DAB1: variants seen among roughly 807,000 people sequenced by gnomAD.
DAB1 encodes DAB adaptor protein 1, also known as disabled homolog 1.
In DAB1, 15 loss-of-function variants were observed where a neutral mutation model predicts 64.6. The observed-to-expected ratio is 0.23, with a 90% CI of 0.16 to 0.36. The LOEUF is 0.36. DAB1 is among the 10% of genes least tolerant of loss of function. The pLI, the probability that DAB1 is intolerant of heterozygous loss-of-function variation, is 1.00. For missense variants in DAB1, 596 were observed against 706.7 expected (o/e 0.84, Z 1.78); for synonymous variants, 235 against 251.9 (o/e 0.93, Z 0.64).
chr1:58,418,316 T>C (rs1344077619), intron 3 of DAB1, among the ~76,000 whole-genome samples: 2 of 152,170 alleles, frequency 1.3e-5, no homozygotes, highest in Admixed American at 1.3e-4. Flanking sequence ...CTTGTTAAAA[T>C]AGGAGAAAAA....
intron 5 of DAB1, among the ~76,000 whole-genome samples, chr1:58,113,591 T>G (rs1570367505): frequency 6.6e-6 from 1 of 152,226 alleles, no homozygotes; most frequent in East Asian, 1.9e-4. Flanking sequence ...CTGGAATCCC[T>G]GGAGGGTTTT....
At chr1:57,485,193 A>G (rs1644074966) in intron 7 of DAB1, among the ~76,000 whole-genome samples, 1 of 84,964 alleles carries the variant, frequency 1.2e-5, no homozygotes, top group Admixed American at 9.7e-5. Context: ...CCAGAGAATG[A>G]AGTTCATGTC....
intron 7 of DAB1, among the ~76,000 whole-genome samples, chr1:57,594,145 A>G (rs1213669841): frequency 1.3e-5 from 2 of 152,218 alleles, no homozygotes; most frequent in African/African-American, 2.4e-5. Flanking sequence ...TTCCCCTTAC[A>G]TGGAAATAAA....
chr1:57,658,384 A>G (rs1646343192), intron 6 of DAB1, among the ~76,000 whole-genome samples: 1 of 150,730 alleles, frequency 6.6e-6, no homozygotes, highest in East Asian at 2.0e-4. Context: ...GCTCACTGCA[A>G]GCTCCGCCTC....
At chr1:58,421,215 G>C (rs910219621) in intron 3 of DAB1, among the ~76,000 whole-genome samples, 1 of 152,160 alleles carries the variant, frequency 6.6e-6, no homozygotes, top group Non-Finnish European at 1.5e-5. Flanking sequence ...TGGCAGCAAG[G>C]CTGGGTTAAT....
chr1:57,082,975 G>T (rs1165223042), intron 4 of DAB1, among the ~76,000 whole-genome samples: 1 of 152,162 alleles, frequency 6.6e-6, no homozygotes, highest in Non-Finnish European at 1.5e-5. Flanking sequence ...GGGGTTGAGT[G>T]GGTCGGGGTG....
chr1:57,675,137 T>C (rs1646551108), intron 6 of DAB1, among the ~76,000 whole-genome samples: 1 of 152,222 alleles, frequency 6.6e-6, no homozygotes, highest in Non-Finnish European at 1.5e-5. Flanking sequence ...TGGAACAGTC[T>C]CTGTTCCCTA....
chr1:58,312,609 A>G (rs548168857), intron 4 of DAB1, among the ~76,000 whole-genome samples: 94 of 152,354 alleles, frequency 6.2e-4, no homozygotes, highest in African/African-American at 2.1e-3. Context: ...GCTAAAACTT[A>G]TAAGTGTGAG....
intron 4 of DAB1, among the ~76,000 whole-genome samples, chr1:57,128,282 G>A (rs1657339078): frequency 6.6e-6 from 1 of 151,768 alleles, no homozygotes; most frequent in South Asian, 2.1e-4. Context: ...AGCCACAAAA[G>A]AGCAGTGAAC....
chr1:57,011,140 C>G lies in DAB1; in HGVS notation c.1572+5G>C. ...ACACAAACAAATAACAAACTGGTCA[C>G]TTACAGCTTCTTGCTCTTCGCTTTT... On this transcript the variant is annotated splice_donor_5th_base_variant and intron_variant, in intron 13 of 14. Coordinates refer to ENST00000371236, the MANE Select transcript of DAB1 (RefSeq NM_001365792.1). 1 of 1,613,966 alleles carries G rather than the reference C, an allele frequency of 6.2e-7. No homozygotes were observed. The highest frequency in any genetic ancestry group is 2.2e-5 in the East Asian group (1 of 44,876).
At chr1:57,790,067 A>G (rs1650523159) in intron 6 of DAB1, among the ~76,000 whole-genome samples, 1 of 152,140 alleles carries the variant, frequency 6.6e-6, no homozygotes, top group Non-Finnish European at 1.5e-5. Context: ...CAGCCAAGAG[A>G]GTGGAACTAT....
intron 1 of DAB1, among the ~76,000 whole-genome samples, chr1:57,879,139 C>T (rs1644102520): frequency 6.6e-6 from 1 of 152,142 alleles, no homozygotes; most frequent in South Asian, 2.1e-4. Flanking sequence ...CATGGGAGTG[C>T]AGACATCTCT....
chr1:58,043,824 T>C (rs1485081334), intron 5 of DAB1, among the ~76,000 whole-genome samples: 3 of 152,012 alleles, frequency 2.0e-5, no homozygotes, highest in Non-Finnish European at 2.9e-5. Context: ...ACCTCCCAGG[T>C]TCAAGCGATT....
chr1:57,250,271 T>C (rs905387137), intron 2 of DAB1, among the ~76,000 whole-genome samples: 1 of 152,222 alleles, frequency 6.6e-6, no homozygotes, highest in South Asian at 2.1e-4. Flanking sequence ...CTCACCTCAG[T>C]TGGCAGGATG....
At chr1:57,472,507 C>G (rs1453945050) in intron 7 of DAB1, among the ~76,000 whole-genome samples, 1 of 152,210 alleles carries the variant, frequency 6.6e-6, no homozygotes, top group Non-Finnish European at 1.5e-5. Flanking sequence ...AACCCCTGAT[C>G]TAATCGGTTA....
chr1:57,304,970 T>C (rs1239875714), intron 1 of DAB1, among the ~76,000 whole-genome samples: 3 of 152,168 alleles, frequency 2.0e-5, no homozygotes, highest in Admixed American at 6.5e-5. Flanking sequence ...GCAGACTGGG[T>C]TGGTCACAGA....
rs765086569 is a variant in DAB1, at chr1:57,071,055, A to G, written c.565T>C (p.Leu189=). The part of the protein sequence containing the change: ...QCEQAVYQTI[L]EEDVEDPVYQ... ...ACAGGATCTTCAACATCCTCTTCCA[A>G]TATTGTCTATTGCAGAGTAAGGAGA... The change falls in exon 7 of 15, where the codon TTG becomes CTG. Residue 189 remains leucine (L), a synonymous_variant. Transcript: ENST00000371236. 1 of 1,612,940 alleles carries G rather than the reference A, an allele frequency of 6.2e-7. No individual in the cohort carries two copies. The highest frequency in any genetic ancestry group is 1.1e-5 in the South Asian group (1 of 91,056).
intron 2 of DAB1, among the ~76,000 whole-genome samples, chr1:57,177,746 T>C (rs1662481426): frequency 6.6e-6 from 1 of 152,210 alleles, no homozygotes; most frequent in African/African-American, 2.4e-5. Context: ...CTTCTTTTCC[T>C]AATCTGATCA....
chr1:57,478,885 C>G (rs1288670290), intron 7 of DAB1, among the ~76,000 whole-genome samples: 1 of 152,024 alleles, frequency 6.6e-6, no homozygotes, highest in African/African-American at 2.4e-5. Context: ...CAGGCGTGAG[C>G]CACTGCGCCC....
Sources: gnomAD v4.1 joint callset for allele counts (sites outside exome capture counted in the v4.1 genomes callset) on GRCh38, gnomAD v4.1.1 for gene constraint, MANE v1.5 for transcripts, NCBI Gene and HGNC (gene_info 2026-07-23, HGNC 2026-07-21) for gene names.